ADD2: variants seen among roughly 807,000 people sequenced by gnomAD.
ADD2 encodes the protein adducin 2, also known as beta-adducin.
Under a neutral mutation model 83.0 loss-of-function variants are expected in ADD2, and 23 were observed. The observed-to-expected ratio is 0.28, with a 90% CI of 0.20 to 0.39. The LOEUF (loss-of-function observed/expected upper bound fraction) is 0.39. ADD2 is among the 10% of genes least tolerant of loss of function. The probability of loss-of-function intolerance (pLI) is 1.00; values close to 1 mark genes in which losing one functional copy is unlikely to be tolerated. For synonymous variants in ADD2, 375 were observed against 375.4 expected (o/e 1.00, Z 0.01); for missense variants, 758 against 944.9 (o/e 0.80, Z 2.59).
rs1670317013 is a variant in ADD2 at position 70,678,914 on chromosome 2, T to C, written c.1173A>G (p.Lys391=). Residue 391 remains lysine, a synonymous_variant, in exon 11 of 16, where the codon AAA becomes AAG. Coordinates refer to ENST00000264436, the MANE Select transcript of ADD2 (RefSeq NM_001617.4). ...TCTCCACCTCACTTTTGTGTTTGGTTTTCTCTTGAACAAAGGGGTGGCGAT... is the reference window on the plus strand; with the variant it reads ...TCTCCACCTCACTTTTGTGTTTGGTCTTCTCTTGAACAAAGGGGTGGCGAT... ...YTYRHPFVQE[K]TKHKSEVEIP... is the part of the protein sequence containing the mutation. 5 of 1,614,156 alleles carry C rather than the reference T, an allele frequency of 3.1e-6. No homozygotes were observed. In the East Asian group the frequency reaches 1.1e-4, roughly 36 times the overall value.
chr2:70,723,609 T>C (rs1553377745), intron 1 of ADD2, among the ~76,000 whole-genome samples: 1 of 152,190 alleles, frequency 6.6e-6, no homozygotes, highest in African/African-American at 2.4e-5. Context: ...CACTTTTCCG[T>C]CTGAGCAGGT....
intron 1 of ADD2, among the ~76,000 whole-genome samples, chr2:70,746,549 C>A (rs1674208970): frequency 6.6e-6 from 1 of 152,144 alleles, no homozygotes; most frequent in Admixed American, 6.5e-5. Flanking sequence ...TAGACATGTG[C>A]AAGTTCCCAT....
chr2:70,704,198 TA>T, intron 4 of ADD2, 122 bp downstream of exon 4: 2 of 1,327,356 alleles, frequency 1.5e-6, no homozygotes, highest in South Asian at 1.4e-5. Context: ...CAAGGCCTGA[TA>T]ACACAATGGG....
chr2:70,666,928 C>T (rs1013070055), intron 15 of ADD2, among the ~76,000 whole-genome samples: 51 of 152,164 alleles, frequency 3.4e-4, no homozygotes, highest in African/African-American at 1.2e-3. Flanking sequence ...AAGGTCACCA[C>T]TCCCTCAACT....
At chr2:70,730,956 C>G (rs1553379200) in intron 1 of ADD2, among the ~76,000 whole-genome samples, 1 of 152,178 alleles carries the variant, frequency 6.6e-6, no homozygotes, top group African/African-American at 2.4e-5. Flanking sequence ...ATGAAATCAC[C>G]AAACAATGCA....
intron 13 of ADD2, chr2:70,675,594 C>A: frequency 1.0e-6 from 1 of 985,448 alleles, no homozygotes; most frequent in Non-Finnish European, 1.2e-6. Context: ...AATTCAGCAT[C>A]CTCATCTTGG....
intron 1 of ADD2, among the ~76,000 whole-genome samples, chr2:70,755,976 T>G (rs1377232207): frequency 6.6e-6 from 1 of 151,060 alleles, no homozygotes; most frequent in Non-Finnish European, 1.5e-5. Context: ...GGAGAATCGC[T>G]TGAACCCGGG....
At chr2:70,722,827 T>A (rs1672797710) in intron 1 of ADD2, among the ~76,000 whole-genome samples, 1 of 152,204 alleles carries the variant, frequency 6.6e-6, no homozygotes, top group African/African-American at 2.4e-5. Flanking sequence ...CCACCACCTA[T>A]ATTTCTGATT....
At chr2:70,688,181 G>T in intron 8 of ADD2, 59 bp from the exon 9 acceptor site, 1 of 1,428,176 alleles carries the variant, frequency 7.0e-7, no homozygotes, top group Non-Finnish European at 9.8e-7. Flanking sequence ...AGTTAAGAGG[G>T]AGAGGTTTTC....
At chr2:70,730,643 C>G (rs1415330773) in intron 1 of ADD2, among the ~76,000 whole-genome samples, 1 of 152,244 alleles carries the variant, frequency 6.6e-6, no homozygotes, top group Non-Finnish European at 1.5e-5. Flanking sequence ...TAATATGTCT[C>G]CTCTTTTTAA....
At chr2:70,750,221 G>A (rs1202499418) in intron 1 of ADD2, among the ~76,000 whole-genome samples, 3 of 152,108 alleles carry the variant, frequency 2.0e-5, no homozygotes, top group Non-Finnish European at 2.9e-5. Flanking sequence ...GCTCATGCTC[G>A]CTCTTTCTTT....
chr2:70,657,415 T>C lies in ADD2; in HGVS notation c.*6010A>G, dbSNP rs1177433716. On this transcript the variant is annotated 3_prime_UTR_variant, in exon 16 of 16. Transcript: ENST00000264436. ...TCTGGACCGTATGTTCTCCCCCACC[T>C]GGCCTCTTCCCGGAGAGAGCAAACA... is the stretch of plus-strand genomic sequence containing the variant. 1 of 152,204 alleles carries C rather than the reference T, an allele frequency of 6.6e-6. No individual in the cohort carries two copies. The highest frequency in any genetic ancestry group is 1.5e-5 in the Non-Finnish European group (1 of 68,068). The allele number at this position is 152,204 out of a possible 1,614,324, so 9.4% of individuals were successfully genotyped here.
chr2:70,668,319 C>T (rs574358614), intron 15 of ADD2, among the ~76,000 whole-genome samples: 15 of 152,248 alleles, frequency 9.9e-5, no homozygotes, highest in Non-Finnish European at 1.6e-4. Context: ...GGCACCACCC[C>T]TGCACAGCCC....
intron 1 of ADD2, among the ~76,000 whole-genome samples, chr2:70,761,434 C>A (rs1234694969): frequency 6.6e-6 from 1 of 151,328 alleles, no homozygotes. Context: ...CATGGTGAAA[C>A]CTGGTCTCTA....
chr2:70,703,444 C>T (rs1173693802), intron 4 of ADD2, among the ~76,000 whole-genome samples: 2 of 152,150 alleles, frequency 1.3e-5, no homozygotes, highest in African/African-American at 4.8e-5. Context: ...CTGTTGGGAA[C>T]GTAAATTGGA....
At chr2:70,735,135 T>C (rs3771419) in intron 1 of ADD2, among the ~76,000 whole-genome samples, 100,263 of 151,936 alleles carry the variant, frequency 0.66, 34,400 homozygotes, top group East Asian at 0.88. Flanking sequence ...TTATAATTGC[T>C]TTATTATTAT....
Position 70,657,642 on chromosome 2 carries a change from C to G in ADD2, c.*5783G>C, listed in dbSNP as rs1553364334. 1 of 152,180 alleles carries G rather than the reference C, an allele frequency of 6.6e-6. No homozygotes were observed. The highest frequency in any genetic ancestry group is 1.9e-4 in the East Asian group (1 of 5,202). The allele number at this position is 152,180 out of a possible 1,614,324, so 9.4% of individuals were successfully genotyped here. On this transcript the variant is annotated 3_prime_UTR_variant, in exon 16 of 16. Transcript: ENST00000264436. ...CCTTGGTCCAATTGCCATCCTCCTT[C>G]TGATTCACGTTAAAAGGGGAGATCT...
Position 70,676,998 on chromosome 2 carries a change from A to T in ADD2, c.1504-113T>A. 1 of 1,469,624 alleles carries T rather than the reference A, an allele frequency of 6.8e-7. No homozygotes were observed. Among genetic ancestry groups the T allele is most frequent in the South Asian group, 1.4e-5 (1 of 70,404 alleles). The allele number at this position is 1,469,624 out of a possible 1,614,324, so 91.0% of individuals were successfully genotyped here. A position where few individuals can be genotyped will look rare whatever the true frequency, so the allele number is the denominator to read the frequency against. ...TAGAAAGGTCCTCTAGCGGTGTGGG[A>T]GCCCGTCACCTATCCTAATGCAATC... On this transcript the variant is annotated intron_variant, in intron 12 of 15. Transcript: ENST00000264436. This position sits in a 1 kb window ranked among gnomAD's most constrained non-coding sequence, Gnocchi z 4.8.
At chr2:70,707,285 T>C (rs1671953483) in intron 2 of ADD2, among the ~76,000 whole-genome samples, 1 of 152,230 alleles carries the variant, frequency 6.6e-6, no homozygotes, top group Non-Finnish European at 1.5e-5. Context: ...CCCATTCAAC[T>C]CATGTTGAGA....
Sources: allele counts gnomAD v4.1 joint callset (sites outside exome capture counted in the v4.1 genomes callset), GRCh38; gene constraint gnomAD v4.1.1; non-coding constraint Gnocchi (gnomAD v3.1); transcripts MANE v1.5; gene names NCBI Gene and HGNC (gene_info 2026-07-23, HGNC 2026-07-21).